RPUSD4: variants seen among roughly 807,000 people sequenced by gnomAD.
RPUSD4 encodes pseudouridylate synthase RPUSD4, mitochondrial.
RPUSD4 carries 37 observed loss-of-function variants against 35.4 expected under a neutral mutation model. The observed-to-expected ratio is 1.04, with a 90% CI of 0.80 to 1.37. The LOEUF (loss-of-function observed/expected upper bound fraction) is 1.37. Ranked by LOEUF, RPUSD4 falls within the 40% of genes most tolerant of loss-of-function variation. The pLI, the probability that RPUSD4 is intolerant of heterozygous loss-of-function variation, is 0.00. For missense variants in RPUSD4, 507 were observed against 484.9 expected (o/e 1.05, Z -0.43); for synonymous variants, 210 against 192.7 (o/e 1.09, Z -0.74).
intron 2 of RPUSD4, among the ~76,000 whole-genome samples, chr11:126,210,520 T>TACATACATACACACACACACAC (rs746246254): frequency 0.056 from 3,330 of 59,966 alleles, 54 homozygotes; most frequent in South Asian, 0.072. Context: ...CCAACATACA[T>TACATACATACACACACACACAC]ACACACACAC....
chr11:126,205,349 C>T lies in RPUSD4; in HGVS notation c.796+119G>A, dbSNP rs145691487. 4.3e-5 allele frequency: 55 copies of T among 1,273,536 alleles called. No individual in the cohort carries two copies. The African/African-American group carries it at 7.2e-4, about 17-fold the overall frequency. The allele number at this position is 1,273,536 out of a possible 1,614,324, so 78.9% of individuals were successfully genotyped here. A position where few individuals can be genotyped will look rare whatever the true frequency, so the allele number is the denominator to read the frequency against. On this transcript the variant is annotated intron_variant, in intron 5 of 6. Transcript: ENST00000298317. ...CTGGGAGTCCCCGGCCTCAGATCAG[C>T]ACCAGAAGCACATTCTCACACAAGT...
Position 126,204,983 on chromosome 11 carries a change from CATA to C in RPUSD4, c.796+482_796+484del, listed in dbSNP as rs111508490. 7.4e-3 allele frequency among the ~76,000 whole-genome samples: 1,122 copies of C among 152,266 alleles called. 10 individuals are homozygous for C. Among genetic ancestry groups the C allele is most frequent in the African/African-American group, 0.026 (1,070 of 41,550 alleles). The stretch of plus-strand genomic sequence containing the variant: ...TTTGTGCCTGGCTTATTTTACTTAG[CATA>C]ATGTTTTCAAGGTGCATCCATATTG... On this transcript the variant is annotated intron_variant, in intron 5 of 6. Coordinates refer to ENST00000298317, the MANE Select transcript of RPUSD4 (RefSeq NM_032795.3).
At chr11:126,208,035 T>C (rs1949792373) in intron 3 of RPUSD4, among the ~76,000 whole-genome samples, 1 of 152,166 alleles carries the variant, frequency 6.6e-6, no homozygotes, top group South Asian at 2.1e-4. Context: ...TTTTTTTTTT[T>C]TAACTTATCA....
chr11:126,209,744 G>A, intron 2 of RPUSD4, 22 bp from the exon 3 acceptor site: 3 of 1,601,082 alleles, frequency 1.9e-6, no homozygotes, highest in Non-Finnish European at 2.6e-6. Context: ...AAAGCCAAAG[G>A]TTTGAGCGGC....
chr11:126,205,973 A>G, intron 3 of RPUSD4, 192 bp from the exon 4 acceptor site: 1 of 469,022 alleles, frequency 2.1e-6, no homozygotes, highest in Non-Finnish European at 3.7e-6. Context: ...TATCTTTTTT[A>G]CTACTAAAGT....
At chr11:126,210,796 G>GTTTAATTAATTTGAAT in intron 2 of RPUSD4, 94 bp downstream of exon 2, 1 of 1,239,942 alleles carries the variant, frequency 8.1e-7, no homozygotes, top group Non-Finnish European at 1.1e-6. Flanking sequence ...TTGAATGCAA[G>GTTTAATTAATTTGAAT]GCTTTAGAGT....
chr11:126,211,319 C>A, intron 1 of RPUSD4, 131 bp downstream of exon 1: 4 of 1,099,706 alleles, frequency 3.6e-6, no homozygotes, highest in Non-Finnish European at 5.2e-6. Context: ...TCCGCCTTCT[C>A]CCCATTCTCC....
At chr11:126,205,261 T>C (rs1949758915) in intron 5 of RPUSD4, among the ~76,000 whole-genome samples, 1 of 152,238 alleles carries the variant, frequency 6.6e-6, no homozygotes, top group Admixed American at 6.5e-5. Context: ...GGAACCACTC[T>C]ACACAGTTTT....
intron 1 of RPUSD4, 54 bp from the exon 2 acceptor site, chr11:126,211,109 G>A: frequency 6.3e-7 from 1 of 1,590,880 alleles, no homozygotes; most frequent in Non-Finnish European, 8.6e-7. Flanking sequence ...CCGTGGAGAA[G>A]ACCTTCCATA....
chr11:126,204,196 C>T (rs376222322), intron 6 of RPUSD4, 35 bp downstream of exon 6: 184 of 1,433,400 alleles, frequency 1.3e-4, no homozygotes, highest in African/African-American at 1.0e-3. Context: ...AGTTCTCTCC[C>T]GTATCTGCTG....
chr11:126,210,111 C>G (rs141034632), intron 2 of RPUSD4, among the ~76,000 whole-genome samples: 3 of 152,308 alleles, frequency 2.0e-5, no homozygotes, highest in East Asian at 3.9e-4. Context: ...GGGTTCTACT[C>G]TACTCTTCTT....
chr11:126,204,686 A>G (rs923043017), intron 5 of RPUSD4, among the ~76,000 whole-genome samples: 7 of 152,232 alleles, frequency 4.6e-5, no homozygotes, highest in Non-Finnish European at 1.0e-4. Context: ...TATACATAAA[A>G]TTTCCTGGTT....
chr11:126,204,329 C>T lies in RPUSD4; in HGVS notation c.797-1G>A. 6.2e-7 allele frequency: 1 copy of T among 1,606,968 alleles called. No individual in the cohort carries two copies. The highest frequency in any genetic ancestry group is 8.5e-7 in the Non-Finnish European group (1 of 1,176,206). ...TGAACTCGAAGCTGATGTTTTATTCCTTAAAAGAGAGAGAGAGAGAAAGAG... is the reference window on the plus strand; with the variant it reads ...TGAACTCGAAGCTGATGTTTTATTCTTTAAAAGAGAGAGAGAGAGAAAGAG... On this transcript the variant is annotated splice_acceptor_variant, in intron 5 of 6. Transcript: ENST00000298317. LOFTEE classifies it high-confidence loss of function.
rs201380353 is a variant in RPUSD4 at position 126,211,565 on chromosome 11, G to C, written c.74C>G (p.Thr25Ser). The C allele has an allele frequency of 6.2e-7, 1 of 1,614,124 alleles. No individual in the cohort carries two copies. Among genetic ancestry groups the C allele is most frequent in the Non-Finnish European group, 8.5e-7 (1 of 1,180,046 alleles). The stretch of plus-strand genomic sequence containing the variant: ...GGCACAAAATGGCTTTGAGACGAGA[G>C]TGAAGAGACTCCCGCAACCTTGGCC... ...GNGQGCGSLF[T>S]LVSKPFCAAA... Residue 25 changes from threonine to serine, a missense_variant, in exon 1 of 7, where the codon ACT becomes AGT. By Grantham distance (58) the Thr-to-Ser change is moderately conservative. Transcript: ENST00000298317.
chr11:126,204,259 T>A lies in RPUSD4; in HGVS notation c.866A>T (p.Tyr289Phe), dbSNP rs763800136. ...LDCPILGDHKYSDWNRLAPQK... is the reference protein window; with the variant it reads ...LDCPILGDHKFSDWNRLAPQK... ...GGGGGCCAACCTATTCCAGTCTGAG[T>A]ACTTGTGATCACCAAGGATTGGACA... Residue 289 changes from tyrosine (Y) to phenylalanine (F), a missense_variant, in exon 6 of 7, where the codon TAC (tyrosine) becomes TTC (phenylalanine). Physicochemically the swap from Tyr to Phe is conservative, Grantham distance 22. Transcript: ENST00000298317. The A allele has an allele frequency of 6.2e-7, 1 of 1,613,724 alleles. No homozygotes were observed. The highest frequency in any genetic ancestry group is 1.3e-5 in the African/African-American group (1 of 74,928).
intron 3 of RPUSD4, chr11:126,208,524 T>C (rs1949798932): frequency 6.6e-6 from 1 of 152,262 alleles, no homozygotes; most frequent in Non-Finnish European, 1.5e-5. Flanking sequence ...GGGTTTCTTT[T>C]TTGCTCACGC....
At position 126,205,717 on chromosome 11, in the gene RPUSD4, C is replaced by A; in HGVS notation, c.622G>T (p.Glu208Ter). The A allele has an allele frequency of 1.2e-6, 2 of 1,613,534 alleles. No individual in the cohort carries two copies. Among genetic ancestry groups the A allele is most frequent in the Non-Finnish European group, 1.7e-6 (2 of 1,179,612 alleles). ...TGGTGTTGCTGCTGGCCTTGCGCCT[C>A]CTTCTCCACAATGGGGATGTCCACG... ...GVVDIPIVEK[E>*]AQGQQQHHKM... Residue 208 changes from glutamate (E) to a stop codon, truncating the protein, a stop_gained, in exon 4 of 7, where the codon GAG becomes TAG. Transcript: ENST00000298317. LOFTEE classifies it high-confidence loss of function.
rs199757261 is a variant in RPUSD4, at chr11:126,205,509, C to G, written c.755G>C (p.Ser252Thr). 1.2e-6 allele frequency: 2 copies of G among 1,614,272 alleles called. No individual in the cohort carries two copies. Among genetic ancestry groups the G allele is most frequent in the African/African-American group, 2.7e-5 (2 of 75,072 alleles). ...CTCCACGAGGGCGGAGGAGAGAGTGCTGCTGAGCACCTGGTACTGAGTTAC... is the reference window on the plus strand; with the variant it reads ...CTCCACGAGGGCGGAGGAGAGAGTGGTGCTGAGCACCTGGTACTGAGTTAC... ...VAVTQYQVLSSTLSSALVELQ... is the reference protein window; with the variant it reads ...VAVTQYQVLSTTLSSALVELQ... Residue 252 changes from serine (S) to threonine (T), a missense_variant, in exon 5 of 7, where the codon AGC becomes ACC. Physicochemically the swap from Ser to Thr is moderately conservative, Grantham distance 58. Transcript: ENST00000298317.
rs1591486765 is a variant in RPUSD4, at chr11:126,203,547, C to T, written c.1005G>A (p.Gly335=). ...RQLILPALGS[G]KEELNLVCKL... The stretch of plus-strand genomic sequence containing the variant: ...TGCAGACCAAGTTGAGTTCCTCCTT[C>T]CCGGACCCCAGGGCAGGCAGGATCA... The change falls in exon 7 of 7, where the codon GGG becomes GGA. Residue 335 remains glycine (G), a synonymous_variant. Transcript: ENST00000298317. 2 of 1,614,204 alleles carry T rather than the reference C, an allele frequency of 1.2e-6. No homozygotes were observed. The highest frequency in any genetic ancestry group is 1.7e-6 in the Non-Finnish European group (2 of 1,180,042).
Sources: allele counts gnomAD v4.1 joint callset (sites outside exome capture counted in the v4.1 genomes callset), GRCh38; gene constraint gnomAD v4.1.1; transcripts MANE v1.5; gene names NCBI Gene and HGNC (gene_info 2026-07-23, HGNC 2026-07-21).